Variants in HECTD4 observed in about 807,000 individuals in gnomAD.
HECTD4 encodes probable E3 ubiquitin-protein ligase HECTD4.
HECTD4 carries 114 observed loss-of-function variants against 471.5 expected under a neutral mutation model. The ratio of observed to expected loss-of-function variants is 0.24; its 90% CI spans 0.21 to 0.28. HECTD4 has a LOEUF of 0.28. Ranked by LOEUF, HECTD4 falls within the 10% of genes least tolerant of loss-of-function variation. The pLI, the probability that HECTD4 is intolerant of heterozygous loss-of-function variation, is 1.00. For synonymous variants in HECTD4, 2,012 were observed against 2,256.0 expected, an observed-to-expected ratio of 0.89 and a Z score of 3.07; for missense variants, 3,866 against 5,651.5, an observed-to-expected ratio of 0.68 and a Z score of 10.13.
intron 22 of HECTD4, 128 bp downstream of exon 22, chr12:112,253,914 TA>T: frequency 1.2e-6 from 1 of 845,436 alleles, no homozygotes; most frequent in African/African-American, 1.7e-5. Flanking sequence ...ACAGGCCTGG[TA>T]AGGTGGCTCC....
rs1253563080 is a variant in HECTD4, at chr12:112,173,556, AT to A, written c.11595-696del. ...AGGCGCCTGCCACCACACCTGGCTA[AT>A]TTTTTTTTTTGTATTTTTAGTAGAG... On this transcript the variant is annotated intron_variant, in intron 66 of 75. Coordinates refer to ENST00000682272, the MANE Select transcript of HECTD4 (RefSeq NM_001388303.1). The surrounding 1 kb of genome is among the most constrained non-coding windows in gnomAD (Gnocchi z 4.3). 5.6e-4 allele frequency among the ~76,000 whole-genome samples: 81 copies of A among 144,816 alleles called. No homozygotes were observed. Among genetic ancestry groups the A allele is most frequent in the African/African-American group, 5.5e-4 (22 of 39,686 alleles).
chr12:112,328,110 CTATTTATTTATTTATT>C (rs58061315), intron 1 of HECTD4, among the ~76,000 whole-genome samples: 2,235 of 145,780 alleles, frequency 0.015, 67 homozygotes, highest in African/African-American at 0.053. Context: ...CAATGTAAAA[CTATTTATTTATTTATT>C]TATTTATTTA....
At chr12:112,245,684 G>A (rs762892402) in intron 29 of HECTD4, among the ~76,000 whole-genome samples, 20 of 152,368 alleles carry the variant, frequency 1.3e-4, no homozygotes, top group Admixed American at 6.5e-4. Flanking sequence ...ATGGGGCTAC[G>A]TAACATGGAC....
chr12:112,184,437 T>G lies in HECTD4; in HGVS notation c.10529A>C (p.Asp3510Ala). The change falls in exon 61 of 76, where the codon GAT (aspartate) becomes GCT (alanine). Residue 3510 changes from aspartate (D) to alanine (A), a missense_variant. By Grantham distance (126) the Asp-to-Ala change is moderately radical. Transcript: ENST00000682272. The surrounding 1 kb of genome is among the most constrained non-coding windows in gnomAD (Gnocchi z 9.1). ...CAGCTCGAGGCCGGCAGGCAGCGGA[T>G]CCACAGAGAGGTCGCTGACGGTTTG... ...ISQTVSDLSVDPLPAGLELPI... is the reference protein window; with the variant it reads ...ISQTVSDLSVAPLPAGLELPI... 1 of 1,606,248 alleles carries G rather than the reference T, an allele frequency of 6.2e-7. No individual in the cohort carries two copies. The highest frequency in any genetic ancestry group is 8.5e-7 in the Non-Finnish European group (1 of 1,177,394).
At chr12:112,204,798 T>C (rs999296587) in intron 52 of HECTD4, among the ~76,000 whole-genome samples, 175 bp from the exon 53 acceptor site, 1 of 152,154 alleles carries the variant, frequency 6.6e-6, no homozygotes, top group Non-Finnish European at 1.5e-5. Flanking sequence ...GAATACTAAA[T>C]GTACTACTTT....
Position 112,258,703 on chromosome 12 carries a change from A to G in HECTD4, c.3028-107T>C. ...TCTTAAATCATCTTTTTACAATCCTAGTCTGCTCTCCTTCATTAAGAAATG... is the reference window on the plus strand; with the variant it reads ...TCTTAAATCATCTTTTTACAATCCTGGTCTGCTCTCCTTCATTAAGAAATG... On this transcript the variant is annotated intron_variant, in intron 19 of 75. Transcript: ENST00000682272. The G allele has an allele frequency of 6.1e-6, 5 of 819,770 alleles. No homozygotes were observed. The East Asian group carries it at 8.3e-5, about 14-fold the overall frequency. The allele number at this position is 819,770 out of a possible 1,614,324, so 50.8% of individuals were successfully genotyped here. A position where few individuals can be genotyped will look rare whatever the true frequency, so the allele number is the denominator to read the frequency against.
intron 49 of HECTD4, among the ~76,000 whole-genome samples, chr12:112,211,620 T>C (rs559824859): frequency 1.3e-4 from 20 of 150,920 alleles, no homozygotes; most frequent in Non-Finnish European, 2.2e-4. Flanking sequence ...CAAGGGAAGA[T>C]GGTGGCAGGG....
At chr12:112,341,491 G>T (rs1008792988) in intron 1 of HECTD4, among the ~76,000 whole-genome samples, 3 of 152,100 alleles carry the variant, frequency 2.0e-5, no homozygotes, top group African/African-American at 7.2e-5. Flanking sequence ...CATAAGAAAG[G>T]TTACCTATTT....
chr12:112,345,045 G>A (rs1188201802), intron 1 of HECTD4, among the ~76,000 whole-genome samples: 1 of 152,154 alleles, frequency 6.6e-6, no homozygotes, highest in Non-Finnish European at 1.5e-5. Context: ...CATGAGCCCA[G>A]GAGTTCAAGA....
At chr12:112,306,698 A>G (rs1325894177) in intron 6 of HECTD4, among the ~76,000 whole-genome samples, 1 of 152,200 alleles carries the variant, frequency 6.6e-6, no homozygotes, top group Non-Finnish European at 1.5e-5. Flanking sequence ...AGCCTAACTC[A>G]AAGTTATTTA....
intron 1 of HECTD4, among the ~76,000 whole-genome samples, chr12:112,361,290 CT>C (rs796185627): frequency 6.6e-6 from 1 of 151,662 alleles, no homozygotes; most frequent in Non-Finnish European, 1.5e-5. Context: ...CTTATTTACC[CT>C]TTTTTTTCAG....
intron 60 of HECTD4, among the ~76,000 whole-genome samples, chr12:112,186,804 A>G (rs2031881946): frequency 6.6e-6 from 1 of 150,524 alleles, no homozygotes; most frequent in African/African-American, 2.5e-5. Flanking sequence ...AATAACTTGA[A>G]TTACAGGCAT....
intron 29 of HECTD4, 50 bp from the exon 30 acceptor site, chr12:112,244,059 A>T: frequency 6.3e-7 from 1 of 1,591,456 alleles, no homozygotes. Flanking sequence ...TCTGTACAAC[A>T]GCCAAATGCA....
chr12:112,270,263 A>T lies in HECTD4; in HGVS notation c.2139T>A (p.Asp713Glu), dbSNP rs1566094038. ...CGAGAATGCAGCGTATAATACAGGT[A>T]TCTCCATTAACCATGGCCTTCTCCA... ...DIMEKAMVNG[D>E]TCIIRCILVV... Residue 713 changes from aspartate to glutamate, a missense_variant, in exon 12 of 76, where the codon GAT becomes GAA. Physicochemically the swap from Asp to Glu is conservative, Grantham distance 45. Transcript: ENST00000682272. 1.2e-6 allele frequency: 2 copies of T among 1,613,888 alleles called. No homozygotes were observed. Among genetic ancestry groups the T allele is most frequent in the Non-Finnish European group, 1.7e-6 (2 of 1,179,716 alleles).
intron 7 of HECTD4, among the ~76,000 whole-genome samples, chr12:112,295,386 G>C (rs1489811298): frequency 2.0e-5 from 3 of 149,062 alleles, no homozygotes; most frequent in Non-Finnish European, 4.4e-5. Context: ...TTTTTTAAGA[G>C]ACAGGGTCTT....
Position 112,319,024 on chromosome 12 carries a change from T to C in HECTD4, c.695+201A>G, listed in dbSNP as rs2035538812. Among the ~76,000 whole-genome samples the C allele has an allele frequency of 6.6e-6, 1 of 152,246 alleles. No individual in the cohort carries two copies. The highest frequency in any genetic ancestry group is 6.5e-5 in the Admixed American group (1 of 15,288). On this transcript the variant is annotated intron_variant, in intron 2 of 75. Coordinates refer to ENST00000682272, the MANE Select transcript of HECTD4 (RefSeq NM_001388303.1). The surrounding 1 kb of genome is among the most constrained non-coding windows in gnomAD (Gnocchi z 5.3). The stretch of plus-strand genomic sequence containing the variant: ...TACCAGAAACAGAAAACATGAACTT[T>C]GGTTCCAACTCAGGCACCTGGTGCC...
At chr12:112,296,089 G>A (rs1476850048) in intron 7 of HECTD4, among the ~76,000 whole-genome samples, 1 of 152,202 alleles carries the variant, frequency 6.6e-6, no homozygotes, top group Non-Finnish European at 1.5e-5. Flanking sequence ...GTAACATGGA[G>A]GAAGCATGGC....
intron 45 of HECTD4, among the ~76,000 whole-genome samples, chr12:112,218,538 T>C (rs1370995547): frequency 6.6e-6 from 1 of 152,216 alleles, no homozygotes; most frequent in African/African-American, 2.4e-5. Flanking sequence ...CTTCTTTCAC[T>C]TACTGTAATT....
chr12:112,240,862 T>G (rs1050723654), intron 32 of HECTD4, among the ~76,000 whole-genome samples: 1 of 152,204 alleles, frequency 6.6e-6, no homozygotes, highest in African/African-American at 2.4e-5. Context: ...TGATATAAAA[T>G]AAAACTTTCC....
Sources: gnomAD v4.1 joint callset for allele counts (sites outside exome capture counted in the v4.1 genomes callset) on GRCh38, gnomAD v4.1.1 for gene constraint, Gnocchi (gnomAD v3.1) non-coding constraint, MANE v1.5 for transcripts, NCBI Gene and HGNC (gene_info 2026-07-23, HGNC 2026-07-21) for gene names.